Variants in SLC25A33 observed in about 807,000 individuals in gnomAD.
SLC25A33 encodes the protein solute carrier family 25 member 33.
SLC25A33 carries 15 observed loss-of-function variants against 35.5 expected under a neutral mutation model. The observed-to-expected ratio is 0.42, with a 90% CI of 0.28 to 0.65. SLC25A33 has a LOEUF of 0.65. Ranked by LOEUF, SLC25A33 falls within the 30% of genes least tolerant of loss-of-function variation. The probability of loss-of-function intolerance (pLI) is 0.20; values close to 1 mark genes in which losing one functional copy is unlikely to be tolerated. For missense variants in SLC25A33, 257 were observed against 398.5 expected (o/e 0.64, Z 3.02); for synonymous variants, 136 against 148.7 (o/e 0.91, Z 0.62).
At chr1:9,559,350 A>G (rs898902973) in intron 2 of SLC25A33, among the ~76,000 whole-genome samples, 2 of 152,170 alleles carry the variant, frequency 1.3e-5, no homozygotes, top group Non-Finnish European at 1.5e-5. Context: ...CCTGTCACAT[A>G]GCAAGCATTC....
intron 5 of SLC25A33, 106 bp downstream of exon 5, chr1:9,573,518 C>T (rs1022302712): frequency 5.6e-6 from 5 of 889,608 alleles, no homozygotes; most frequent in African/African-American, 1.7e-5. Context: ...ATGTACCCCC[C>T]TCCTCGTTTC....
At chr1:9,542,884 C>T (rs1643112651) in intron 1 of SLC25A33, among the ~76,000 whole-genome samples, 1 of 152,230 alleles carries the variant, frequency 6.6e-6, no homozygotes, top group African/African-American at 2.4e-5. Context: ...GCAATCTCTG[C>T]TCACTGCAAC....
intron 1 of SLC25A33, among the ~76,000 whole-genome samples, chr1:9,547,386 G>A (rs1373983088): frequency 6.6e-5 from 10 of 152,032 alleles, no homozygotes; most frequent in African/African-American, 1.2e-4. Flanking sequence ...CCCAGGAGGC[G>A]GAGGTTGCAG....
chr1:9,548,232 G>A (rs767754576), intron 1 of SLC25A33, among the ~76,000 whole-genome samples: 20 of 152,004 alleles, frequency 1.3e-4, no homozygotes, highest in Middle Eastern at 3.2e-3. Flanking sequence ...CATATCTTAT[G>A]TATAATTATA....
rs1340661467 is a variant in SLC25A33 at position 9,580,327 on chromosome 1, C to T, written c.763+93C>T. On this transcript the variant is annotated intron_variant, in intron 6 of 6. Coordinates refer to ENST00000302692, the MANE Select transcript of SLC25A33 (RefSeq NM_032315.3). ...TAGACTTCTGAGGCGCACATTGAGG[C>T]GCAGGATCCCTGCAGGTAAGGTCAG... The T allele has an allele frequency of 9.4e-6, 14 of 1,483,240 alleles. No homozygotes were observed. Among genetic ancestry groups the T allele is most frequent in the South Asian group, 4.0e-5 (3 of 75,324 alleles). The allele number at this position is 1,483,240 out of a possible 1,614,324, so 91.9% of individuals were successfully genotyped here.
rs748627060 is a variant in SLC25A33 at position 9,570,364 on chromosome 1, T to C, written c.415+6T>C. On this transcript the variant is annotated splice_donor_region_variant and intron_variant, in intron 4 of 6. Transcript: ENST00000302692. ...TTTCTCAGCTGGCTCTGCAGGTATG[T>C]TACCCTAGTGAGTGAAGAGAGGGTC... is the stretch of plus-strand genomic sequence containing the variant. 1.2e-6 allele frequency: 2 copies of C among 1,610,678 alleles called. No individual in the cohort carries two copies. Among genetic ancestry groups the C allele is most frequent in the Admixed American group, 1.7e-5 (1 of 59,996 alleles).
At chr1:9,561,855 G>A (rs762056829) in intron 2 of SLC25A33, among the ~76,000 whole-genome samples, 8 of 152,178 alleles carry the variant, frequency 5.3e-5, no homozygotes, top group East Asian at 1.9e-4. Flanking sequence ...TTGATTATGT[G>A]CTATATTATA....
chr1:9,541,509 C>A (rs1424067508), intron 1 of SLC25A33, among the ~76,000 whole-genome samples: 1 of 152,086 alleles, frequency 6.6e-6, no homozygotes, highest in Non-Finnish European at 1.5e-5. Context: ...GTTGGCCAGG[C>A]TGGCACTCCT....
At chr1:9,559,053 G>T (rs1261901197) in intron 2 of SLC25A33, among the ~76,000 whole-genome samples, 1 of 152,064 alleles carries the variant, frequency 6.6e-6, no homozygotes. Flanking sequence ...CCACCGCAGG[G>T]TGTTTGCAGT....
intron 1 of SLC25A33, among the ~76,000 whole-genome samples, chr1:9,552,693 T>TC (rs372041633): frequency 3.3e-5 from 5 of 152,238 alleles, no homozygotes; most frequent in African/African-American, 9.6e-5. Context: ...TACATGAATG[T>TC]CCAACAGTAG....
chr1:9,579,554 C>G (rs1374479919), intron 5 of SLC25A33, among the ~76,000 whole-genome samples: 1 of 152,154 alleles, frequency 6.6e-6, no homozygotes, highest in Non-Finnish European at 1.5e-5. Context: ...GGGCGTGGAG[C>G]TTTCATACCC....
chr1:9,543,155 A>G (rs897814640), intron 1 of SLC25A33, among the ~76,000 whole-genome samples: 2 of 148,260 alleles, frequency 1.3e-5, no homozygotes, highest in African/African-American at 2.6e-5. Context: ...TTATTTATTT[A>G]TTTTTGATAC....
chr1:9,551,487 T>A (rs1643266612), intron 1 of SLC25A33, among the ~76,000 whole-genome samples: 1 of 152,248 alleles, frequency 6.6e-6, no homozygotes, highest in South Asian at 2.1e-4. Flanking sequence ...TTTCCAACAT[T>A]TGCCTCTAGT....
chr1:9,573,974 T>TG (rs889850967), intron 5 of SLC25A33, among the ~76,000 whole-genome samples: 5 of 152,104 alleles, frequency 3.3e-5, no homozygotes, highest in African/African-American at 1.2e-4. Context: ...TTTTTGTTTT[T>TG]TTGTTGTTGT....
At chr1:9,581,625 A>T (rs1270357370) in intron 6 of SLC25A33, among the ~76,000 whole-genome samples, 5 of 151,690 alleles carry the variant, frequency 3.3e-5, no homozygotes, top group East Asian at 1.9e-4. Flanking sequence ...GCTACTCAGG[A>T]GGCTGAGGCA....
In SLC25A33 at chr1:9,573,656, C is replaced by T. The variant is rs114732044; in HGVS notation, c.482+244C>T. Among the ~76,000 whole-genome samples the T allele has an allele frequency of 4.7e-3, 722 of 152,234 alleles. 4 individuals carry two copies. The highest frequency in any genetic ancestry group is 0.017 in the African/African-American group (688 of 41,542). On this transcript the variant is annotated intron_variant, in intron 5 of 6. Transcript: ENST00000302692. ...ATATCTCTGGTTGTGTCCCCTGATC[C>T]GCAGTCCCACCTGTTGTCTCAGAGA...
In SLC25A33 at chr1:9,582,359, C is replaced by T. The variant is rs765474705; in HGVS notation, c.824C>T (p.Ala275Val). Residue 275 changes from alanine to valine, a missense_variant, in exon 7 of 7, where the codon GCG (alanine) becomes GTG (valine). Coordinates refer to ENST00000302692, the MANE Select transcript of SLC25A33 (RefSeq NM_032315.3). This position sits in a 1 kb window ranked among gnomAD's most constrained non-coding sequence, Gnocchi z 4.0. ...AAGTACAAGTCTTTTGTCCAGACGGCGCGCCTGGTGTTCCGGGAAGAAGGC... is the reference window on the plus strand; with the variant it reads ...AAGTACAAGTCTTTTGTCCAGACGGTGCGCCTGGTGTTCCGGGAAGAAGGC... ...GTKYKSFVQT[A>V]RLVFREEGYL... 8 of 1,613,936 alleles carry T rather than the reference C, an allele frequency of 5.0e-6. No individual in the cohort carries two copies. Among genetic ancestry groups the T allele is most frequent in the Admixed American group, 1.7e-5 (1 of 60,010 alleles).
At chr1:9,541,989 C>T (rs1347981160) in intron 1 of SLC25A33, among the ~76,000 whole-genome samples, 5 of 152,044 alleles carry the variant, frequency 3.3e-5, no homozygotes, top group Middle Eastern at 3.2e-3. Flanking sequence ...TTAGTAGAGA[C>T]GGGGTTTAAC....
At chr1:9,572,953 A>C (rs990127847) in intron 4 of SLC25A33, among the ~76,000 whole-genome samples, 1 of 152,172 alleles carries the variant, frequency 6.6e-6, no homozygotes, top group Non-Finnish European at 1.5e-5. Flanking sequence ...ATACTCACCA[A>C]ATGGTTATCA....
Sources: allele counts gnomAD v4.1 joint callset (sites outside exome capture counted in the v4.1 genomes callset), GRCh38; gene constraint gnomAD v4.1.1; non-coding constraint Gnocchi (gnomAD v3.1); transcripts MANE v1.5; gene names NCBI Gene and HGNC (gene_info 2026-07-23, HGNC 2026-07-21).